MEF2D: variants seen among roughly 807,000 people sequenced by gnomAD.
MEF2D encodes myocyte enhancer factor 2D.
Under a neutral mutation model 59.3 loss-of-function variants are expected in MEF2D, and 10 were observed. The observed-to-expected ratio is 0.17, with a 90% confidence interval of 0.10 to 0.29. The LOEUF is 0.29. Among genes scored for constraint, MEF2D ranks in the 10% least tolerant of loss-of-function variants. MEF2D has a pLI of 1.00. For synonymous variants in MEF2D, 305 were observed against 295.0 expected (o/e 1.03, Z -0.35); for missense variants, 508 against 699.4 (o/e 0.73, Z 3.09).
intron 1 of MEF2D, among the ~76,000 whole-genome samples, chr1:156,494,138 C>A (rs895853374): frequency 2.0e-5 from 3 of 152,138 alleles, no homozygotes; most frequent in African/African-American, 4.8e-5. Context: ...AAGCACAATA[C>A]ACACATGCTT....
chr1:156,471,255 C>T (rs140754876), intron 9 of MEF2D, among the ~76,000 whole-genome samples: 8,412 of 152,104 alleles, frequency 0.055, 358 homozygotes, highest in Middle Eastern at 0.11. Context: ...CTCAGCTTCC[C>T]GAGTAGCTGG....
intron 1 of MEF2D, chr1:156,499,476 G>A (rs1401621589): frequency 2.6e-5 from 4 of 152,150 alleles, no homozygotes; most frequent in Non-Finnish European, 5.9e-5. Flanking sequence ...TTCCTTTCAG[G>A]AGGAGTCCTC....
intron 6 of MEF2D, among the ~76,000 whole-genome samples, chr1:156,477,988 G>C (rs1221956340): frequency 1.3e-5 from 2 of 152,242 alleles, no homozygotes; most frequent in African/African-American, 2.4e-5. Context: ...AAGACAGACA[G>C]GACATTAGCC....
intron 5 of MEF2D, 25 bp downstream of exon 5, chr1:156,479,561 C>T (rs1203535397): frequency 1.3e-6 from 2 of 1,549,508 alleles, no homozygotes; most frequent in African/African-American, 2.7e-5. Flanking sequence ...TTCCACCTCA[C>T]CTACCCACCT....
At chr1:156,495,344 T>C (rs1673068190) in intron 1 of MEF2D, among the ~76,000 whole-genome samples, 1 of 152,144 alleles carries the variant, frequency 6.6e-6, no homozygotes, top group African/African-American at 2.4e-5. Context: ...AAAAGTCACT[T>C]ACATCTCTGA....
intron 9 of MEF2D, among the ~76,000 whole-genome samples, chr1:156,472,703 C>T (rs1365749145): frequency 2.0e-5 from 3 of 146,750 alleles, no homozygotes; most frequent in African/African-American, 7.6e-5. Context: ...CGTGTGCCAC[C>T]ACGCCCGGCT....
Position 156,495,304 on chromosome 1 carries a change from G to A in MEF2D, c.-139+5182C>T, listed in dbSNP as rs1420859430. 2.6e-5 allele frequency among the ~76,000 whole-genome samples: 4 copies of A among 152,000 alleles called. 1 individual carries two copies. ...ATCTCTCCTTTAATCTCAGACAAAA[G>A]CCCTTTATACTTCATAACTAGGAAA... On this transcript the variant is annotated intron_variant, in intron 1 of 11. Transcript: ENST00000348159.
intron 9 of MEF2D, among the ~76,000 whole-genome samples, chr1:156,474,203 C>A (rs1423207496): frequency 6.6e-6 from 1 of 152,214 alleles, no homozygotes; most frequent in Non-Finnish European, 1.5e-5. Context: ...TGGCTCATGC[C>A]TGTAATCCCA....
At position 156,500,620 on chromosome 1, in the gene MEF2D, C is replaced by G. The variant is rs553157675; in HGVS notation, c.-273G>C. On this transcript the variant is annotated 5_prime_UTR_variant, in exon 1 of 12. Transcript: ENST00000348159. Reference sequence around the variant, plus strand: ...TAAATGAGGCCGGCGTCCGCGCGGGCCCTGGGCGGCGCCGTGAGGCCTGGG... The same window carrying G: ...TAAATGAGGCCGGCGTCCGCGCGGGGCCTGGGCGGCGCCGTGAGGCCTGGG... 2 of 152,132 alleles carry G rather than the reference C, an allele frequency of 1.3e-5. No individual in the cohort carries two copies. The highest frequency in any genetic ancestry group is 3.9e-4 in the East Asian group (2 of 5,142). The allele number at this position is 152,132 out of a possible 1,614,324, so 9.4% of individuals were successfully genotyped here.
At chr1:156,470,011 T>C (rs1671132986) in intron 9 of MEF2D, among the ~76,000 whole-genome samples, 1 of 152,242 alleles carries the variant, frequency 6.6e-6, no homozygotes, top group Non-Finnish European at 1.5e-5. Context: ...AAGGGTACCA[T>C]GCCGGGAGCA....
rs1005130656 is a variant in MEF2D at position 156,475,485 on chromosome 1, T to G, written c.877-248A>C. 4.6e-5 allele frequency among the ~76,000 whole-genome samples: 7 copies of G among 152,230 alleles called. 1 individual carries two copies. The highest frequency in any genetic ancestry group is 3.9e-4 in the Admixed American group (6 of 15,286). ...CGTGCAAAGATGAAGGCACGTGTAC[T>G]GGCCCTGTGGCCCCAGCACCAACAC... On this transcript the variant is annotated intron_variant, in intron 8 of 11. Transcript: ENST00000348159.
chr1:156,482,735 C>G (rs1324412852), intron 2 of MEF2D, 95 bp from the exon 3 acceptor site: 9 of 1,146,394 alleles, frequency 7.9e-6, no homozygotes, highest in Non-Finnish European at 1.0e-5. Flanking sequence ...CCCCTGCCCT[C>G]AGGAGCCCCC....
Position 156,477,027 on chromosome 1 carries a change from C to T in MEF2D, c.840G>A (p.Gly280=), listed in dbSNP as rs200756567. Residue 280 remains glycine, a synonymous_variant, in exon 7 of 12, where the codon GGG becomes GGA. Transcript: ENST00000348159. ...LRVITSQAGK[G]LMHHLTEDHL... is the part of the protein sequence containing the mutation. ...ACCCACTTACCAAGTGATGCATTAA[C>T]CCCTTTCCTGCCTGGGAAGTGATGA... 1.2e-6 allele frequency: 2 copies of T among 1,613,936 alleles called. No homozygotes were observed. Among genetic ancestry groups the T allele is most frequent in the Admixed American group, 1.7e-5 (1 of 60,010 alleles).
intron 7 of MEF2D, 115 bp from the exon 8 acceptor site, chr1:156,476,629 A>T (rs1671624074): frequency 7.7e-7 from 1 of 1,292,606 alleles, no homozygotes; most frequent in South Asian, 1.3e-5. Flanking sequence ...GGGTGGCTCT[A>T]CCCAGCCTAC....
At chr1:156,488,139 G>A (rs940036270) in intron 1 of MEF2D, among the ~76,000 whole-genome samples, 9 of 152,246 alleles carry the variant, frequency 5.9e-5, no homozygotes, top group African/African-American at 1.9e-4. Flanking sequence ...TCCGTGGACA[G>A]GACAAGGGTG....
intron 3 of MEF2D, among the ~76,000 whole-genome samples, 168 bp from the exon 4 acceptor site, chr1:156,481,139 G>A (rs998479232): frequency 2.0e-5 from 3 of 152,182 alleles, no homozygotes; most frequent in Admixed American, 6.5e-5. Context: ...CTGGGGCATC[G>A]TGTGAAGATC....
rs901359187 is a variant in MEF2D at position 156,487,588 on chromosome 1, G to A, written c.-138-4158C>T. On this transcript the variant is annotated intron_variant, in intron 1 of 11. Transcript: ENST00000348159. Reference sequence around the variant, plus strand: ...GAACTCAACCCTGATTTTGGAAGAAGGGGTAGCTGGGGCCTAGGCAGGCAC... The same window carrying A: ...GAACTCAACCCTGATTTTGGAAGAAAGGGTAGCTGGGGCCTAGGCAGGCAC... 3.3e-5 allele frequency among the ~76,000 whole-genome samples: 5 copies of A among 152,374 alleles called. No individual in the cohort carries two copies. In the South Asian group the frequency reaches 1.0e-3, roughly 32 times the overall value.
chr1:156,500,761 C>G lies in MEF2D; in HGVS notation c.-414G>C, dbSNP rs1357943685. On this transcript the variant is annotated 5_prime_UTR_variant, in exon 1 of 12. Coordinates refer to ENST00000348159, the MANE Select transcript of MEF2D (RefSeq NM_005920.4). Reference sequence around the variant, plus strand: ...ATTTTGCTTCCTTCCTCCTTTCGGGCTCCAAAGGTAACTCCTCCAGCCCCC... The same window carrying G: ...ATTTTGCTTCCTTCCTCCTTTCGGGGTCCAAAGGTAACTCCTCCAGCCCCC... 6.6e-6 allele frequency: 1 copy of G among 152,108 alleles called. No individual in the cohort carries two copies. Among genetic ancestry groups the G allele is most frequent in the Non-Finnish European group, 1.5e-5 (1 of 68,056 alleles). 9.4% of individuals were successfully genotyped at this position (152,108 alleles called of 1,614,324 possible). A position where few individuals can be genotyped will look rare whatever the true frequency, so the allele number is the denominator to read the frequency against.
rs3748566 is a variant in MEF2D at position 156,463,732 on chromosome 1, G to A, written c.*3913C>T. 1 of 152,336 alleles carries A rather than the reference G, an allele frequency of 6.6e-6. No individual in the cohort carries two copies. Among genetic ancestry groups the A allele is most frequent in the East Asian group, 1.9e-4 (1 of 5,186 alleles). 9.4% of individuals were successfully genotyped at this position (152,336 alleles called of 1,614,324 possible). ...AACCAAAACCCACGCCGAAGTATCA[G>A]AAACGTGTATTCTTTTTCTTTTAAT... On this transcript the variant is annotated 3_prime_UTR_variant, in exon 12 of 12. Transcript: ENST00000348159.
Sources: allele counts gnomAD v4.1 joint callset (sites outside exome capture counted in the v4.1 genomes callset), GRCh38; gene constraint gnomAD v4.1.1; transcripts MANE v1.5; gene names NCBI Gene and HGNC (gene_info 2026-07-23, HGNC 2026-07-21).